The following TSR1 variants were observed in gnomAD, a reference collection of about 807,000 sequenced individuals.
The protein encoded by TSR1 is pre-rRNA-processing protein TSR1 homolog.
In TSR1, 81 loss-of-function variants were observed where a neutral mutation model predicts 90.9. The observed-to-expected ratio is 0.89, with a 90% CI of 0.74 to 1.07. TSR1 has a LOEUF of 1.07. Ranked by LOEUF, TSR1 falls within the 50% of genes least tolerant of loss-of-function variation. The probability of loss-of-function intolerance (pLI) is 0.00; values close to 1 mark genes in which losing one functional copy is unlikely to be tolerated. For missense variants in TSR1, 989 were observed against 987.3 expected (o/e 1.00, Z -0.02); for synonymous variants, 362 against 348.8 (o/e 1.04, Z -0.42).
At chr17:2,328,622 A>C (rs72821611) in intron 11 of TSR1, among the ~76,000 whole-genome samples, 16,870 of 150,470 alleles carry the variant, frequency 0.11, 1,538 homozygotes, top group East Asian at 0.52. Context: ...ACAAAAAAAA[A>C]CAAAAAAAAC....
intron 10 of TSR1, 101 bp downstream of exon 10, chr17:2,330,414 C>A (rs757631910): frequency 9.6e-7 from 1 of 1,040,742 alleles, no homozygotes; most frequent in Non-Finnish European, 1.5e-6. Context: ...TTTTGCATCC[C>A]AATGAGCAAA....
intron 11 of TSR1, chr17:2,328,919 CAAAAAAAAAAAAAAAAA>C: frequency 1.1e-5 from 1 of 89,914 alleles, no homozygotes; most frequent in South Asian, 1.6e-4. Context: ...GACTCCGTCT[CAAAAAAAAAAAAAAAAA>C]AAAAAAAAAA....
chr17:2,324,693 G>T lies in TSR1; in HGVS notation c.2157C>A (p.Asn719Lys), dbSNP rs200831927. ...KMAVVRYMFF[N>K]REDVLWFKPV... Reference sequence around the variant, plus strand: ...ATCCTCCTCCTTCATACCCACCTCTGTTGAAGAACATGTAACGTACTACTG... The same window carrying T: ...ATCCTCCTCCTTCATACCCACCTCTTTTGAAGAACATGTAACGTACTACTG... Residue 719 changes from asparagine (N) to lysine (K), a missense_variant, in exon 13 of 15, where the codon AAC becomes AAA. Physicochemically the swap from Asn to Lys is moderately conservative, Grantham distance 94. Transcript: ENST00000301364. The T allele has an allele frequency of 1.7e-5, 27 of 1,614,050 alleles. No homozygotes were observed. The Admixed American group carries it at 4.0e-4, about 24-fold the overall frequency.
At position 2,330,620 on chromosome 17, in the gene TSR1, G is replaced by A; in HGVS notation, c.1665C>T (p.Gly555=). ...CAGAGACATGAAGTGTGACATACCA[G>A]CCAACCTGCCACAAGAAAGCAGAAA... The part of the protein sequence containing the change: ...EEKEVEGAEV[G]WYVTLHVSEV... The change falls in exon 10 of 15, where the codon GGC becomes GGT. Residue 555 remains glycine, a synonymous_variant. Transcript: ENST00000301364. 1.2e-6 allele frequency: 2 copies of A among 1,612,606 alleles called. No individual in the cohort carries two copies.
intron 12 of TSR1, chr17:2,325,071 G>C (rs1465233197): frequency 1.7e-6 from 1 of 598,258 alleles, no homozygotes; most frequent in African/African-American, 1.9e-5. Flanking sequence ...GTTGTTACAA[G>C]GAAAGGATGT....
chr17:2,335,557 C>A lies in TSR1; in HGVS notation c.375G>T (p.Leu125=). The change falls in exon 3 of 15, where the codon CTG becomes CTT. Residue 125 remains leucine (L), a synonymous_variant. Transcript: ENST00000301364. The stretch of plus-strand genomic sequence containing the variant: ...ACCACCGATGTTTCAAGCGGGGGCA[C>A]AGCAGCATAAAGTTCTGGGTGTTTC... ...ELGNTQNFML[L]CPRLKHRWFF... 2.5e-6 allele frequency: 4 copies of A among 1,614,094 alleles called. No individual in the cohort carries two copies. The highest frequency in any genetic ancestry group is 3.4e-6 in the Non-Finnish European group (4 of 1,180,040).
In TSR1 at chr17:2,329,483, C is replaced by T; in HGVS notation, c.1771-8G>A. ...CATATTCAATACTGACATCTGGGGA[C>T]CAAGTAAGAAAAACAAAAATCTTCA... On this transcript the variant is annotated splice_region_variant and splice_polypyrimidine_tract_variant and intron_variant, in intron 10 of 14. Coordinates refer to ENST00000301364, the MANE Select transcript of TSR1 (RefSeq NM_018128.5). 1 of 1,612,546 alleles carries T rather than the reference C, an allele frequency of 6.2e-7. No individual in the cohort carries two copies. The highest frequency in any genetic ancestry group is 8.5e-7 in the Non-Finnish European group (1 of 1,179,574).
Position 2,323,929 on chromosome 17 carries a change from G to A in TSR1, c.*267C>T. On this transcript the variant is annotated 3_prime_UTR_variant, in exon 15 of 15. Coordinates refer to ENST00000301364, the MANE Select transcript of TSR1 (RefSeq NM_018128.5). ...TGTCTTTAGATACTGAAGACATTTT[G>A]TTTCCTAGTATTGTCAACTCTTAGT... The A allele has an allele frequency of 6.7e-7, 1 of 1,483,742 alleles. No homozygotes were observed. Among genetic ancestry groups the A allele is most frequent in the Non-Finnish European group, 9.3e-7 (1 of 1,071,790 alleles). 91.9% of individuals were successfully genotyped at this position (1,483,742 alleles called of 1,614,324 possible). A position where few individuals can be genotyped will look rare whatever the true frequency, so the allele number is the denominator to read the frequency against.
Position 2,332,269 on chromosome 17 carries a change from C to T in TSR1, c.1396G>A (p.Glu466Lys). 1.2e-6 allele frequency: 2 copies of T among 1,614,080 alleles called. No individual in the cohort carries two copies. Among genetic ancestry groups the T allele is most frequent in the Non-Finnish European group, 1.7e-6 (2 of 1,180,008 alleles). ...DDLYDKKVDE[E>K]AEAKMLEKYK... ...TTCTCCAACATTTTTGCCTCAGCTT[C>T]TTCATCTACTTTCTTATCATACAGA... Residue 466 changes from glutamate (E) to lysine (K), a missense_variant, in exon 8 of 15, where the codon GAA becomes AAA. Glu to Lys is a moderately conservative substitution (Grantham distance 56). Coordinates refer to ENST00000301364, the MANE Select transcript of TSR1 (RefSeq NM_018128.5).
intron 2 of TSR1, 118 bp from the exon 3 acceptor site, chr17:2,335,848 C>T (rs1215424563): frequency 7.6e-7 from 1 of 1,321,468 alleles, no homozygotes; most frequent in African/African-American, 1.5e-5. Flanking sequence ...TAGTAAAAGA[C>T]CACAGGTATG....
chr17:2,330,663 T>C (rs766721918), intron 9 of TSR1, 38 bp from the exon 10 acceptor site: 1 of 1,594,046 alleles, frequency 6.3e-7, no homozygotes, highest in Non-Finnish European at 8.6e-7. Context: ...TGGAGTTACC[T>C]TTCAAAGTCC....
chr17:2,334,979 C>T (rs2064041278), intron 4 of TSR1, 83 bp from the exon 5 acceptor site: 1 of 1,433,722 alleles, frequency 7.0e-7, no homozygotes, highest in African/African-American at 1.4e-5. Context: ...AACCTAATAG[C>T]TCAGTTGCAA....
At position 2,336,434 on chromosome 17, in the gene TSR1, G is replaced by C. The variant is rs557511957; in HGVS notation, c.-7C>G. On this transcript the variant is annotated 5_prime_UTR_variant, in exon 1 of 15. Transcript: ENST00000301364. ...CGGGGCGGTGGGCCGCCATGCCGCA[G>C]CGCGCGTGTACGGAGTCAGCACTGC... 1 of 1,609,096 alleles carries C rather than the reference G, an allele frequency of 6.2e-7. No individual in the cohort carries two copies. The highest frequency in any genetic ancestry group is 1.3e-5 in the African/African-American group (1 of 74,992).
chr17:2,324,601 AC>A (rs1279578949), intron 13 of TSR1, 23 bp from the exon 14 acceptor site: 14 of 1,613,998 alleles, frequency 8.7e-6, no homozygotes, highest in Admixed American at 5.0e-5. Flanking sequence ...CACATTAAAG[AC>A]CAAGATGAAA....
Position 2,324,379 on chromosome 17 carries a change from A to G in TSR1, c.2237-5T>C, listed in dbSNP as rs367989484. ...ATTTCATGTGGCCATGGGTACCTAG[A>G]AAGACATCAGAACAAGTCGGTCAAA... On this transcript the variant is annotated splice_polypyrimidine_tract_variant and splice_region_variant and intron_variant, in intron 14 of 14. Coordinates refer to ENST00000301364, the MANE Select transcript of TSR1 (RefSeq NM_018128.5). 1.9e-6 allele frequency: 3 copies of G among 1,578,566 alleles called. No individual in the cohort carries two copies. The African/African-American group carries it at 4.1e-5, about 21-fold the overall frequency.
chr17:2,324,888 T>C lies in TSR1; in HGVS notation c.2021-59A>G. On this transcript the variant is annotated intron_variant, in intron 12 of 14. Transcript: ENST00000301364. ...TTTACAGGCCAAAGTCTTCATTTAT[T>C]GCCCAGTCCATTTAAAGACCCATGC... The C allele has an allele frequency of 4.5e-6, 7 of 1,551,434 alleles. 1 individual carries two copies. In the South Asian group the frequency reaches 7.5e-5, roughly 17 times the overall value.
rs146663405 is a variant in TSR1, at chr17:2,330,950, A to C, written c.1656T>G (p.Ala552=). ...KEVEEKEVEG[A]EVGWYVTLHV... ...GATGAACAAGGAGGATAGATACCTC[A>C]GCTCCTTCAACCTCTTTTTCTTCAA... Residue 552 remains alanine (A), a synonymous_variant, in exon 9 of 15, where the codon GCT becomes GCG. Coordinates refer to ENST00000301364, the MANE Select transcript of TSR1 (RefSeq NM_018128.5). 1 of 1,585,674 alleles carries C rather than the reference A, an allele frequency of 6.3e-7. No homozygotes were observed. The highest frequency in any genetic ancestry group is 1.4e-5 in the African/African-American group (1 of 73,298).
At position 2,323,349 on chromosome 17, in the gene TSR1, A is replaced by G. The variant is rs376035038; in HGVS notation, c.*847T>C. On this transcript the variant is annotated 3_prime_UTR_variant, in exon 15 of 15. Coordinates refer to ENST00000301364, the MANE Select transcript of TSR1 (RefSeq NM_018128.5). ...TGTCACAGAGGATGAAATTAAGGTG[A>G]GGCTCCAGCAAGAAAAGAAATAGCA... 14 of 1,613,766 alleles carry G rather than the reference A, an allele frequency of 8.7e-6. No homozygotes were observed. In the African/African-American group the frequency reaches 1.9e-4, roughly 22 times the overall value.
chr17:2,323,981 A>T lies in TSR1; in HGVS notation c.*215T>A. ...ATCAGATTCTTAATGGAGAGTGGCT[A>T]TTTCATTAAGATTTAATAGTTTTTT... On this transcript the variant is annotated 3_prime_UTR_variant, in exon 15 of 15. Coordinates refer to ENST00000301364, the MANE Select transcript of TSR1 (RefSeq NM_018128.5). 1.7e-6 allele frequency: 2 copies of T among 1,169,916 alleles called. No individual in the cohort carries two copies. The highest frequency in any genetic ancestry group is 2.4e-6 in the Non-Finnish European group (2 of 834,058). 72.5% of individuals were successfully genotyped at this position (1,169,916 alleles called of 1,614,324 possible).
Sources: allele counts gnomAD v4.1 joint callset (sites outside exome capture counted in the v4.1 genomes callset), GRCh38; gene constraint gnomAD v4.1.1; transcripts MANE v1.5; gene names NCBI Gene and HGNC (gene_info 2026-07-23, HGNC 2026-07-21).